Variants in SREK1IP1 observed in about 807,000 individuals in gnomAD.
The protein encoded by SREK1IP1 is protein SREK1IP1.
Under a neutral mutation model 22.8 loss-of-function variants are expected in SREK1IP1, and 12 were observed. The observed-to-expected ratio is 0.53, with a 90% CI of 0.34 to 0.85. The LOEUF is 0.85. Ranked by LOEUF, SREK1IP1 falls within the 40% of genes least tolerant of loss-of-function variation. The probability of loss-of-function intolerance (pLI) is 0.02; values close to 1 mark genes in which losing one functional copy is unlikely to be tolerated. For missense variants in SREK1IP1, 147 were observed against 171.8 expected, an observed-to-expected ratio of 0.86 and a Z score of 0.81; for synonymous variants, 53 against 52.7, an observed-to-expected ratio of 1.01 and a Z score of -0.02.
intron 1 of SREK1IP1, among the ~76,000 whole-genome samples, chr5:64,763,612 C>G (rs1007142891): frequency 2.0e-5 from 3 of 152,028 alleles, no homozygotes; most frequent in Non-Finnish European, 4.4e-5. Flanking sequence ...AATTTAATTA[C>G]CTAATGAAAC....
intron 2 of SREK1IP1, among the ~76,000 whole-genome samples, chr5:64,753,691 C>A (rs986887806): frequency 3.9e-5 from 6 of 152,178 alleles, no homozygotes; most frequent in Non-Finnish European, 7.3e-5. Context: ...ACACGGTCTG[C>A]AAACAACTTA....
rs1413283689 is a variant in SREK1IP1 at position 64,768,592 on chromosome 5, G to A, written c.-75C>T. ...TGCTTCCCGCCAGCTGTGAGAACAAGGCACAGTCAAAGCGGCGTTTTCCTT... is the reference window on the plus strand; with the variant it reads ...TGCTTCCCGCCAGCTGTGAGAACAAAGCACAGTCAAAGCGGCGTTTTCCTT... On this transcript the variant is annotated 5_prime_UTR_variant, in exon 1 of 5. Coordinates refer to ENST00000513458, the MANE Select transcript of SREK1IP1 (RefSeq NM_173829.4). The A allele has an allele frequency of 6.2e-7, 1 of 1,609,646 alleles. No individual in the cohort carries two copies.
In SREK1IP1 at chr5:64,737,722, GAA is replaced by G. The variant is rs557112289; in HGVS notation, c.205+3333_205+3334del. ...AAAAGACAGGGCCAAAATTAGAACT[GAA>G]AAAAGAGAGTATAAGTGATGTCACA... On this transcript the variant is annotated intron_variant, in intron 3 of 4. Coordinates refer to ENST00000513458, the MANE Select transcript of SREK1IP1 (RefSeq NM_173829.4). Among the ~76,000 whole-genome samples the G allele has an allele frequency of 4.4e-3, 670 of 151,822 alleles. 6 individuals carry two copies. Among genetic ancestry groups the G allele is most frequent in the African/African-American group, 0.016 (653 of 41,436 alleles).
At chr5:64,749,446 T>C (rs1217771211) in intron 2 of SREK1IP1, among the ~76,000 whole-genome samples, 2 of 152,008 alleles carry the variant, frequency 1.3e-5, no homozygotes, top group African/African-American at 4.8e-5. Context: ...TCTTTTTTTT[T>C]TTTCCTTTGA....
intron 2 of SREK1IP1, among the ~76,000 whole-genome samples, chr5:64,749,059 CATAATAATA>C (rs58434271): frequency 0.052 from 6,805 of 131,570 alleles, 193 homozygotes; most frequent in East Asian, 0.13. Flanking sequence ...AGCTATGCCA[CATAATAATA>C]ATAATAATAA....
chr5:64,724,691 CTT>C, intron 4 of SREK1IP1, 118 bp from the exon 5 acceptor site: 1 of 777,514 alleles, frequency 1.3e-6, no homozygotes, highest in Non-Finnish European at 1.9e-6. Context: ...TAAACATAAA[CTT>C]AAAAAATGCT....
At chr5:64,743,545 T>C (rs1279714823) in intron 2 of SREK1IP1, among the ~76,000 whole-genome samples, 2 of 152,218 alleles carry the variant, frequency 1.3e-5, no homozygotes, top group Non-Finnish European at 2.9e-5. Flanking sequence ...TTTTGTCTAA[T>C]AACTTCTGAT....
At chr5:64,764,260 A>G (rs751526393) in intron 1 of SREK1IP1, among the ~76,000 whole-genome samples, 7 of 152,200 alleles carry the variant, frequency 4.6e-5, no homozygotes, top group Non-Finnish European at 1.0e-4. Flanking sequence ...TAGTTTATCT[A>G]TGGTAATGCA....
chr5:64,746,441 A>G (rs563966187), intron 2 of SREK1IP1, among the ~76,000 whole-genome samples: 1 of 152,348 alleles, frequency 6.6e-6, no homozygotes, highest in Non-Finnish European at 1.5e-5. Context: ...CAAATCATCT[A>G]TCTGGTAGAG....
rs1742182208 is a variant in SREK1IP1, at chr5:64,722,376, A to G, written c.*2008T>C. ...TAATAAAACTTACAAGTAATTAACT[A>G]TTTCACTACAATTACTATCATTTTT... On this transcript the variant is annotated 3_prime_UTR_variant, in exon 5 of 5. Coordinates refer to ENST00000513458, the MANE Select transcript of SREK1IP1 (RefSeq NM_173829.4). 1 of 152,332 alleles carries G rather than the reference A, an allele frequency of 6.6e-6. No individual in the cohort carries two copies. Among genetic ancestry groups the G allele is most frequent in the Non-Finnish European group, 1.5e-5 (1 of 68,024 alleles). The allele number at this position is 152,332 out of a possible 1,614,324, so 9.4% of individuals were successfully genotyped here. A position where few individuals can be genotyped will look rare whatever the true frequency, so the allele number is the denominator to read the frequency against.
chr5:64,736,210 TA>T (rs59695917), intron 3 of SREK1IP1, among the ~76,000 whole-genome samples: 6,793 of 149,938 alleles, frequency 0.045, 485 homozygotes, highest in African/African-American at 0.15. Context: ...TAGGTACACT[TA>T]AAAAAAAAAT....
chr5:64,753,932 A>T (rs1561390546), intron 2 of SREK1IP1, among the ~76,000 whole-genome samples: 1 of 152,226 alleles, frequency 6.6e-6, no homozygotes, highest in Non-Finnish European at 1.5e-5. Context: ...AAGTAAATGT[A>T]ATAAACACAA....
intron 1 of SREK1IP1, among the ~76,000 whole-genome samples, chr5:64,766,867 C>A (rs1378304463): frequency 6.6e-6 from 1 of 152,174 alleles, no homozygotes; most frequent in Non-Finnish European, 1.5e-5. Context: ...AGATAGAATA[C>A]AATGTTTGAT....
intron 1 of SREK1IP1, among the ~76,000 whole-genome samples, chr5:64,764,652 G>C (rs1232785460): frequency 6.6e-6 from 1 of 152,114 alleles, no homozygotes; most frequent in Admixed American, 6.5e-5. Flanking sequence ...CTCCATTATG[G>C]AGACACAAAA....
intron 2 of SREK1IP1, among the ~76,000 whole-genome samples, chr5:64,746,941 A>C (rs1376857466): frequency 6.6e-6 from 1 of 152,216 alleles, no homozygotes. Context: ...AATTTGCTAG[A>C]AAGGCTCACA....
chr5:64,747,944 A>C (rs1422167835), intron 2 of SREK1IP1, among the ~76,000 whole-genome samples: 2 of 152,142 alleles, frequency 1.3e-5, no homozygotes, highest in African/African-American at 4.8e-5. Flanking sequence ...AAAAAAAAGA[A>C]AACCAGTTTG....
At chr5:64,736,198 G>A (rs1742459708) in intron 3 of SREK1IP1, among the ~76,000 whole-genome samples, 1 of 151,328 alleles carries the variant, frequency 6.6e-6, no homozygotes, top group African/African-American at 2.5e-5. Flanking sequence ...GGTCTATCTT[G>A]ATAGGTACAC....
At chr5:64,761,868 T>C (rs1021629480) in intron 1 of SREK1IP1, among the ~76,000 whole-genome samples, 3 of 140,264 alleles carry the variant, frequency 2.1e-5, no homozygotes, top group Non-Finnish European at 4.6e-5. Flanking sequence ...TCTTAGCAGT[T>C]AGCACAAAAG....
chr5:64,732,343 C>T (rs1480593976), intron 3 of SREK1IP1, among the ~76,000 whole-genome samples: 1 of 152,080 alleles, frequency 6.6e-6, no homozygotes, highest in Non-Finnish European at 1.5e-5. Flanking sequence ...ACAATTTACA[C>T]AGATATTCCC....
Sources: gnomAD v4.1 joint callset for allele counts (sites outside exome capture counted in the v4.1 genomes callset) on GRCh38, gnomAD v4.1.1 for gene constraint, MANE v1.5 for transcripts, NCBI Gene and HGNC (gene_info 2026-07-23, HGNC 2026-07-21) for gene names.